The following CNTNAP2 variants were observed in gnomAD, a reference collection of about 807,000 sequenced individuals.
The protein encoded by CNTNAP2 is contactin associated protein 2, also known as contactin-associated protein-like 2.
Under a neutral mutation model 155.2 loss-of-function variants are expected in CNTNAP2, and 98 were observed. That is an observed-to-expected ratio of 0.63 (90% CI 0.54 to 0.75). The LOEUF (loss-of-function observed/expected upper bound fraction) is 0.75, where lower values mean the gene tolerates loss of function less well. Ranked by LOEUF, CNTNAP2 falls within the 30% of genes least tolerant of loss-of-function variation. CNTNAP2 has a pLI of 0.00. For missense variants in CNTNAP2, 1,727 were observed against 1,688.1 expected (o/e 1.02, Z -0.40); for synonymous variants, 651 against 631.2 (o/e 1.03, Z -0.47).
chr7:148,200,804 G>A (rs1381347636), intron 18 of CNTNAP2, among the ~76,000 whole-genome samples: 1 of 152,198 alleles, frequency 6.6e-6, no homozygotes, highest in Non-Finnish European at 1.5e-5. Flanking sequence ...TGGTAGATGT[G>A]TGACTGCAGG....
chr7:147,981,011 T>C (rs1801519239), intron 15 of CNTNAP2, among the ~76,000 whole-genome samples: 1 of 151,868 alleles, frequency 6.6e-6, no homozygotes, highest in African/African-American at 2.4e-5. Flanking sequence ...AACTGCATTT[T>C]CCAGTTTTTA....
chr7:146,631,172 A>G (rs1484726351), intron 1 of CNTNAP2, among the ~76,000 whole-genome samples: 1 of 152,204 alleles, frequency 6.6e-6, no homozygotes, highest in Non-Finnish European at 1.5e-5. Context: ...CTACAAGGCT[A>G]CAGCAACCAA....
intron 4 of CNTNAP2, among the ~76,000 whole-genome samples, chr7:147,067,496 G>A (rs1165810872): frequency 6.6e-6 from 1 of 152,034 alleles, no homozygotes; most frequent in African/African-American, 2.4e-5. Flanking sequence ...CTATTCCAAA[G>A]AATGGTATTT....
chr7:148,021,794 C>T (rs1802283582), intron 15 of CNTNAP2, among the ~76,000 whole-genome samples: 1 of 152,172 alleles, frequency 6.6e-6, no homozygotes. Context: ...GAGATCAGGA[C>T]CCTCTCCCCC....
intron 1 of CNTNAP2, among the ~76,000 whole-genome samples, chr7:146,298,526 A>G (rs924628648): frequency 1.3e-5 from 2 of 152,204 alleles, no homozygotes; most frequent in Non-Finnish European, 2.9e-5. Flanking sequence ...AATTTTGCCT[A>G]AATTTCTGAG....
At chr7:148,326,604 C>T (rs184097438) in intron 21 of CNTNAP2, among the ~76,000 whole-genome samples, 23 of 152,200 alleles carry the variant, frequency 1.5e-4, no homozygotes, top group Admixed American at 6.5e-4. Context: ...TGGTGGCTCA[C>T]GCCTGTAATC....
chr7:146,333,552 T>G (rs1174377420), intron 1 of CNTNAP2, among the ~76,000 whole-genome samples: 1 of 152,208 alleles, frequency 6.6e-6, no homozygotes, highest in African/African-American at 2.4e-5. Context: ...CCATGGTGCA[T>G]GTTTTTATGT....
At chr7:146,224,008 T>C (rs568450306) in intron 1 of CNTNAP2, among the ~76,000 whole-genome samples, 2 of 152,212 alleles carry the variant, frequency 1.3e-5, no homozygotes, top group East Asian at 1.9e-4. Flanking sequence ...GAAAATAACA[T>C]ACTTTGGCTC....
At chr7:147,755,633 CAGAG>C (rs1034762989) in intron 13 of CNTNAP2, among the ~76,000 whole-genome samples, 1 of 152,142 alleles carries the variant, frequency 6.6e-6, no homozygotes. Context: ...GCCTGGGCGA[CAGAG>C]AGAGACCCTG....
At chr7:148,141,695 C>T (rs779605951) in intron 16 of CNTNAP2, among the ~76,000 whole-genome samples, 6 of 152,170 alleles carry the variant, frequency 3.9e-5, no homozygotes, top group East Asian at 1.9e-4. Context: ...GTGATACATG[C>T]TATGCAGACT....
intron 13 of CNTNAP2, among the ~76,000 whole-genome samples, chr7:147,754,852 A>C (rs757434324): frequency 6.6e-6 from 1 of 152,236 alleles, no homozygotes; most frequent in Non-Finnish European, 1.5e-5. Flanking sequence ...TATGAGGCTT[A>C]GTGACGGATC....
At chr7:147,002,147 A>G (rs1356332183) in intron 3 of CNTNAP2, among the ~76,000 whole-genome samples, 3 of 151,966 alleles carry the variant, frequency 2.0e-5, no homozygotes, top group Non-Finnish European at 2.9e-5. Flanking sequence ...ACTTTAAAAG[A>G]TGCATTTATT....
rs1287067304 is a variant in CNTNAP2, at chr7:146,712,357, ACTATATAGTATACATATCTTATGTATAC to A, written c.98-61913_98-61886del. Reference sequence around the variant, plus strand: ...TATATAGTATACATATCTTATGTATACTATATAGTATACATATCTTATGTATACTATATATATAAATAAAATAAAAAAC... The same window carrying A: ...TATATAGTATACATATCTTATGTATATATATATATAAATAAAATAAAAAAC... On this transcript the variant is annotated intron_variant, in intron 1 of 23. Transcript: ENST00000361727. 1.4e-4 allele frequency among the ~76,000 whole-genome samples: 20 copies of A among 144,484 alleles called. 1 individual carries two copies. The highest frequency in any genetic ancestry group is 4.9e-4 in the African/African-American group (19 of 38,848). 94.8% of individuals were successfully genotyped at this position (144,484 alleles called of 152,430 possible). A position where few individuals can be genotyped will look rare whatever the true frequency, so the allele number is the denominator to read the frequency against.
At chr7:147,439,869 A>G (rs1356108921) in intron 10 of CNTNAP2, among the ~76,000 whole-genome samples, 1 of 151,964 alleles carries the variant, frequency 6.6e-6, no homozygotes, top group African/African-American at 2.4e-5. Flanking sequence ...CTTGAAATCT[A>G]TGTTGTCTGG....
At chr7:147,143,876 T>C (rs2129287882) in intron 8 of CNTNAP2, among the ~76,000 whole-genome samples, 1 of 152,320 alleles carries the variant, frequency 6.6e-6, no homozygotes, top group Non-Finnish European at 1.5e-5. Context: ...CTCAGGAGCA[T>C]GACGTGAAGT....
intron 8 of CNTNAP2, among the ~76,000 whole-genome samples, chr7:147,280,974 A>G (rs1327855575): frequency 2.0e-5 from 3 of 151,914 alleles, no homozygotes; most frequent in African/African-American, 7.2e-5. Flanking sequence ...TGAATTTCAC[A>G]AACTTGGGTC....
chr7:146,612,889 A>G (rs1481171905), intron 1 of CNTNAP2, among the ~76,000 whole-genome samples: 1 of 148,790 alleles, frequency 6.7e-6, no homozygotes, highest in Non-Finnish European at 1.5e-5. Context: ...ATGTTGTTTA[A>G]TCTTAGGACC....
intron 1 of CNTNAP2, among the ~76,000 whole-genome samples, chr7:146,329,168 C>T (rs992433375): frequency 6.6e-6 from 1 of 152,122 alleles, no homozygotes; most frequent in Non-Finnish European, 1.5e-5. Flanking sequence ...TTCTCTACAT[C>T]GTGGTCAACA....
At chr7:147,867,586 A>T (rs563373386) in intron 13 of CNTNAP2, among the ~76,000 whole-genome samples, 14 of 152,170 alleles carry the variant, frequency 9.2e-5, no homozygotes, top group South Asian at 2.1e-4. Context: ...TAGGTACACC[A>T]ATCAAACGTA....
Sources: gnomAD v4.1 joint callset for allele counts (sites outside exome capture counted in the v4.1 genomes callset) on GRCh38, gnomAD v4.1.1 for gene constraint, MANE v1.5 for transcripts, NCBI Gene and HGNC (gene_info 2026-07-23, HGNC 2026-07-21) for gene names.